DPY19L3: variants seen among roughly 807,000 people sequenced by gnomAD.
DPY19L3 encodes the protein protein C-mannosyl-transferase DPY19L3.
A neutral mutation model predicts 92.3 loss-of-function variants in DPY19L3; 51 were observed. The ratio of observed to expected loss-of-function variants is 0.55; its 90% CI spans 0.44 to 0.70. DPY19L3 has a LOEUF of 0.70. Ranked by LOEUF, DPY19L3 falls within the 30% of genes least tolerant of loss-of-function variation. DPY19L3 has a pLI of 0.00. For synonymous variants in DPY19L3, 309 were observed against 315.2 expected (o/e 0.98, Z 0.21); for missense variants, 706 against 855.9 (o/e 0.82, Z 2.18).
chr19:32,457,531 A>C (rs1050354007), intron 10 of DPY19L3, among the ~76,000 whole-genome samples: 2 of 152,274 alleles, frequency 1.3e-5, no homozygotes, highest in South Asian at 4.1e-4. Context: ...GTTATTATAT[A>C]TGGATTTTTA....
rs1300163293 is a variant in DPY19L3 at position 32,464,718 on chromosome 19, T to C, written c.1558-10T>C. The C allele has an allele frequency of 7.1e-7, 1 of 1,410,906 alleles. No individual in the cohort carries two copies. Among genetic ancestry groups the C allele is most frequent in the South Asian group, 1.3e-5 (1 of 77,020 alleles). The allele number at this position is 1,410,906 out of a possible 1,614,324, so 87.4% of individuals were successfully genotyped here. On this transcript the variant is annotated splice_polypyrimidine_tract_variant and intron_variant, in intron 14 of 18. Coordinates refer to ENST00000392250, the MANE Select transcript of DPY19L3 (RefSeq NM_001172774.2). ...ATACTTATAATCTAAATAATGTCTT[T>C]CTTATATAGATATGTATAATGCGAT...
At chr19:32,418,104 C>G (rs1968437507) in intron 3 of DPY19L3, among the ~76,000 whole-genome samples, 1 of 152,092 alleles carries the variant, frequency 6.6e-6, no homozygotes, top group Admixed American at 6.5e-5. Context: ...AGAACCTGGG[C>G]CAGTTTGTGT....
intron 9 of DPY19L3, among the ~76,000 whole-genome samples, chr19:32,454,132 A>C (rs773764770): frequency 6.6e-6 from 1 of 152,230 alleles, no homozygotes; most frequent in Non-Finnish European, 1.5e-5. Context: ...AACTGTTAAG[A>C]TATTATTATA....
intron 4 of DPY19L3, among the ~76,000 whole-genome samples, chr19:32,435,146 C>T (rs1397292336): frequency 1.3e-5 from 2 of 152,064 alleles, no homozygotes; most frequent in Non-Finnish European, 1.5e-5. Flanking sequence ...CATAGCCTTT[C>T]CCTCTGTGCA....
chr19:32,477,613 C>T lies in DPY19L3; in HGVS notation c.1789C>T (p.Pro597Ser). 1.2e-6 allele frequency: 2 copies of T among 1,614,104 alleles called. No individual in the cohort carries two copies. The highest frequency in any genetic ancestry group is 8.5e-7 in the Non-Finnish European group (1 of 1,180,022). The change falls in exon 17 of 19, where the codon CCG (proline) becomes TCG (serine). Residue 597 changes from proline (P) to serine (S), a missense_variant. Coordinates refer to ENST00000392250, the MANE Select transcript of DPY19L3 (RefSeq NM_001172774.2). Reference sequence around the variant, plus strand: ...CACGGGAAGGACCCTAACCAACCACCCGCACTATGAAGACAGCAGCCTGAG... The same window carrying T: ...CACGGGAAGGACCCTAACCAACCACTCGCACTATGAAGACAGCAGCCTGAG... The part of the protein sequence containing the change: ...LCTGRTLTNH[P>S]HYEDSSLRER...
At chr19:32,434,352 TG>T (rs1173837156) in intron 4 of DPY19L3, among the ~76,000 whole-genome samples, 1 of 152,100 alleles carries the variant, frequency 6.6e-6, no homozygotes, top group African/African-American at 2.4e-5. Context: ...TGCTGTTTGT[TG>T]AAGTTTAAAA....
chr19:32,427,334 A>G lies in DPY19L3; in HGVS notation c.238-5382A>G, dbSNP rs140414628. Among the ~76,000 whole-genome samples, 86 of 152,290 alleles carry G rather than the reference A, an allele frequency of 5.6e-4. 1 individual carries two copies. Among genetic ancestry groups the G allele is most frequent in the East Asian group, 1.9e-3 (10 of 5,188 alleles). On this transcript the variant is annotated intron_variant, in intron 3 of 18. Transcript: ENST00000392250. ...TTGGAACATAAACATCTTTCGGTCAAATACTAAATTCTTGCACCTTTTTGT... is the reference window on the plus strand; with the variant it reads ...TTGGAACATAAACATCTTTCGGTCAGATACTAAATTCTTGCACCTTTTTGT...
chr19:32,433,043 C>A (rs1034330296), intron 4 of DPY19L3, among the ~76,000 whole-genome samples: 1 of 152,154 alleles, frequency 6.6e-6, no homozygotes, highest in Non-Finnish European at 1.5e-5. Flanking sequence ...AATATCTTTG[C>A]AATTTCATGG....
intron 17 of DPY19L3, 82 bp from the exon 18 acceptor site, chr19:32,480,317 C>T (rs16967141): frequency 0.17 from 245,823 of 1,474,166 alleles, 20,964 homozygotes; most frequent in Admixed American, 0.18. Flanking sequence ...TAGACTCAGC[C>T]CTGTGGAAGG....
At chr19:32,443,151 G>A (rs552580698) in intron 8 of DPY19L3, among the ~76,000 whole-genome samples, 1 of 152,212 alleles carries the variant, frequency 6.6e-6, no homozygotes, top group East Asian at 1.9e-4. Context: ...ACGCACCTCT[G>A]TTTCTCCCAG....
intron 3 of DPY19L3, among the ~76,000 whole-genome samples, chr19:32,426,847 T>C (rs1236455429): frequency 2.6e-5 from 4 of 152,212 alleles, no homozygotes; most frequent in African/African-American, 9.6e-5. Flanking sequence ...ATGGTGTTGA[T>C]AGTTGTTTGA....
rs1403867553 is a variant in DPY19L3, at chr19:32,408,318, A to G, written c.65A>G (p.Gln22Arg). The G allele has an allele frequency of 1.9e-6, 3 of 1,613,944 alleles. No individual in the cohort carries two copies. The South Asian group carries it at 3.3e-5, about 18-fold the overall frequency. The change falls in exon 2 of 19, where the codon CAA (glutamine) becomes CGA (arginine). Residue 22 changes from glutamine (Q) to arginine (R), a missense_variant. Coordinates refer to ENST00000392250, the MANE Select transcript of DPY19L3 (RefSeq NM_001172774.2). ...GAAGTTTCTGAAGACTTTCCAGCCC[A>G]AGAAGAAAATGTGAAGTTGGAAAAT... ...ATEVSEDFPAQEENVKLENKL... is the reference protein window; with the variant it reads ...ATEVSEDFPAREENVKLENKL...
At chr19:32,448,021 G>A (rs1445553963) in intron 8 of DPY19L3, among the ~76,000 whole-genome samples, 2 of 152,118 alleles carry the variant, frequency 1.3e-5, no homozygotes, top group East Asian at 3.8e-4. Context: ...CACATTGAGT[G>A]ATAGATACAC....
chr19:32,449,732 G>T (rs1205669070), intron 8 of DPY19L3, among the ~76,000 whole-genome samples: 3 of 152,202 alleles, frequency 2.0e-5, no homozygotes, highest in Admixed American at 6.5e-5. Context: ...AAAGAATGAA[G>T]TTGAGCCCCT....
intron 18 of DPY19L3, chr19:32,481,053 AG>A (rs1970658703): frequency 3.0e-6 from 1 of 331,100 alleles, no homozygotes; most frequent in African/African-American, 2.1e-5. Flanking sequence ...CGGCTTTCAG[AG>A]GCTAAGTTGC....
At position 32,436,541 on chromosome 19, in the gene DPY19L3, ATT is replaced by A; in HGVS notation, c.427_428del (p.Leu143IlefsTer2). The A allele has an allele frequency of 6.4e-7, 1 of 1,574,738 alleles. No individual in the cohort carries two copies. The highest frequency in any genetic ancestry group is 1.2e-5 in the South Asian group (1 of 85,550). On this transcript the variant is annotated frameshift_variant, in exon 5 of 19. Transcript: ENST00000392250. LOFTEE classifies it high-confidence loss of function. The stretch of plus-strand genomic sequence containing the variant: ...TATTTACCAAGAGGTTTTTCTCAGT[ATT>A]TTATATAGAGTTCTACCCATACAGG... ...MNIYQEVFLS[I>X]LYRVLPIQKY... is the part of the protein sequence containing the mutation.
intron 16 of DPY19L3, among the ~76,000 whole-genome samples, chr19:32,471,111 G>A (rs532577842): frequency 3.9e-5 from 6 of 152,222 alleles, no homozygotes; most frequent in South Asian, 2.1e-4. Context: ...TTTTTGAAAC[G>A]TAAAATATGA....
chr19:32,425,238 T>TA (rs1407941783), intron 3 of DPY19L3, among the ~76,000 whole-genome samples: 1 of 152,114 alleles, frequency 6.6e-6, no homozygotes, highest in East Asian at 1.9e-4. Flanking sequence ...TCATCAAAAT[T>TA]AGACATTTTT....
rs370108471 is a variant in DPY19L3 at position 32,457,206 on chromosome 19, C to T, written c.1090-894C>T. On this transcript the variant is annotated intron_variant, in intron 10 of 18. Transcript: ENST00000392250. The stretch of plus-strand genomic sequence containing the variant: ...TTGCATTTGATGTTTTGCCAGTGAC[C>T]TACAACAAGAGGAAGTAGAGAAAAT... Among the ~76,000 whole-genome samples, 18 of 152,276 alleles carry T rather than the reference C, an allele frequency of 1.2e-4. No homozygotes were observed. The South Asian group carries it at 3.5e-3, about 30-fold the overall frequency.
Sources: gnomAD v4.1 joint callset for allele counts (sites outside exome capture counted in the v4.1 genomes callset) on GRCh38, gnomAD v4.1.1 for gene constraint, MANE v1.5 for transcripts, NCBI Gene and HGNC (gene_info 2026-07-23, HGNC 2026-07-21) for gene names.